UNC79: variants seen among roughly 807,000 people sequenced by gnomAD.
The protein encoded by UNC79 is unc-79 subunit of NALCN channel complex, also known as protein unc-79 homolog.
UNC79 carries 37 observed loss-of-function variants against 283.1 expected under a neutral mutation model. The ratio of observed to expected loss-of-function variants is 0.13; its 90% CI spans 0.10 to 0.17. UNC79 has a LOEUF of 0.17. UNC79 is among the 10% of genes least tolerant of loss of function. UNC79 has a pLI of 1.00. For synonymous variants in UNC79, 1,107 were observed against 1,200.2 expected (o/e 0.92, Z 1.61); for missense variants, 2,272 against 3,211.1 (o/e 0.71, Z 7.07).
At chr14:93,534,067 G>A (rs1334454334) in intron 11 of UNC79, among the ~76,000 whole-genome samples, 1 of 152,210 alleles carries the variant, frequency 6.6e-6, no homozygotes, top group Non-Finnish European at 1.5e-5. Context: ...GACAGGGACA[G>A]GATCATAGCA....
chr14:93,645,465 A>G (rs910750780), intron 34 of UNC79, among the ~76,000 whole-genome samples: 2 of 152,238 alleles, frequency 1.3e-5, no homozygotes, highest in African/African-American at 4.8e-5. Context: ...CCAAGAAAAC[A>G]GATTCAACTG....
In UNC79 at chr14:93,400,607, G is replaced by A. The variant is rs192200424; in HGVS notation, c.-350-67064G>A. 5.9e-5 allele frequency among the ~76,000 whole-genome samples: 9 copies of A among 152,258 alleles called. No homozygotes were observed. The East Asian group carries it at 1.4e-3, about 23-fold the overall frequency. On this transcript the variant is annotated intron_variant, in intron 1 of 49. Transcript: ENST00000256339. ...GGCAGAAATGTAGGGAAGGGATGAC[G>A]TGAATAAAGGCTTAATGACGAGGAA...
intron 26 of UNC79, among the ~76,000 whole-genome samples, chr14:93,608,015 G>A (rs1339135888): frequency 6.6e-6 from 1 of 152,116 alleles, no homozygotes; most frequent in Non-Finnish European, 1.5e-5. Context: ...GACAATTTTT[G>A]TTCAACAAAT....
chr14:93,615,105 C>CTGCT (rs1214642564), intron 27 of UNC79, among the ~76,000 whole-genome samples: 4 of 152,158 alleles, frequency 2.6e-5, no homozygotes, highest in Non-Finnish European at 4.4e-5. Context: ...TAGGCACTCT[C>CTGCT]TGCTTGCTTG....
At chr14:93,460,087 G>A in intron 1 of UNC79, among the ~76,000 whole-genome samples, 1 of 127,702 alleles carries the variant, frequency 7.8e-6, no homozygotes, top group African/African-American at 2.9e-5. Context: ...CCAGCACTTT[G>A]GGAGGCCAAG....
intron 1 of UNC79, among the ~76,000 whole-genome samples, chr14:93,377,866 C>T (rs879510332): frequency 7.9e-5 from 12 of 152,202 alleles, no homozygotes; most frequent in Non-Finnish European, 1.8e-4. Flanking sequence ...TACCCACTCC[C>T]AGCAGAGAAT....
At chr14:93,352,222 G>T (rs930820904) in intron 1 of UNC79, among the ~76,000 whole-genome samples, 3 of 152,132 alleles carry the variant, frequency 2.0e-5, no homozygotes, top group African/African-American at 7.2e-5. Context: ...CGGGACACAG[G>T]CTCAATCTTC....
At chr14:93,407,941 G>A (rs1191623334) in intron 1 of UNC79, among the ~76,000 whole-genome samples, 2 of 152,162 alleles carry the variant, frequency 1.3e-5, no homozygotes, top group Admixed American at 6.5e-5. Flanking sequence ...GACACCTACA[G>A]TTATAGCCAA....
chr14:93,637,883 C>T (rs1405687430), intron 32 of UNC79, among the ~76,000 whole-genome samples: 2 of 152,238 alleles, frequency 1.3e-5, no homozygotes, highest in Non-Finnish European at 2.9e-5. Context: ...CTCTTCTGAG[C>T]ATGGTCCAGC....
chr14:93,694,724 T>A (rs2074962283), intron 47 of UNC79, among the ~76,000 whole-genome samples: 1 of 151,992 alleles, frequency 6.6e-6, no homozygotes, highest in South Asian at 2.1e-4. Context: ...GAGACCAGCC[T>A]GGGCAATATA....
rs1050467795 is a variant in UNC79, at chr14:93,512,830, T to C, written c.899-11148T>C. On this transcript the variant is annotated intron_variant, in intron 7 of 48. Coordinates refer to ENST00000555664, the Ensembl canonical transcript of UNC79. Reference sequence around the variant, plus strand: ...TTTGAACTACTTATTTTAAAATTCTTATTTTTAATTTGAAATGAGTCTAGG... The same window carrying C: ...TTTGAACTACTTATTTTAAAATTCTCATTTTTAATTTGAAATGAGTCTAGG... Among the ~76,000 whole-genome samples, 8 of 152,280 alleles carry C rather than the reference T, an allele frequency of 5.3e-5. No homozygotes were observed. The East Asian group carries it at 7.7e-4, about 15-fold the overall frequency.
At chr14:93,593,925 GTC>G in intron 23 of UNC79, 88 bp downstream of exon 23, 1 of 1,408,392 alleles carries the variant, frequency 7.1e-7, no homozygotes, top group Non-Finnish European at 9.5e-7. Flanking sequence ...CTCCTTTCTT[GTC>G]CCTTCTTTTT....
intron 4 of UNC79, among the ~76,000 whole-genome samples, chr14:93,485,617 T>A (rs2058378188): frequency 6.6e-6 from 1 of 152,198 alleles, no homozygotes. Context: ...AAAGTTCTTC[T>A]TTCTTGATTA....
At chr14:93,577,301 G>C (rs955365873) in intron 17 of UNC79, among the ~76,000 whole-genome samples, 1 of 152,310 alleles carries the variant, frequency 6.6e-6, no homozygotes, top group South Asian at 2.1e-4. Flanking sequence ...CGACTTCTTG[G>C]GCATAGAGTA....
At position 93,493,530 on chromosome 14, in the gene UNC79, C is replaced by T. The variant is rs891573055; in HGVS notation, c.713-2881C>T. Among the ~76,000 whole-genome samples, 4 of 152,052 alleles carry T rather than the reference C, an allele frequency of 2.6e-5. No individual in the cohort carries two copies. In the South Asian group the frequency reaches 8.3e-4, roughly 32 times the overall value. ...TGCGTAAGCACTTCAAAGGCAGGGA[C>T]AATTGAAACTGAAGAATAAGCAGAT... is the stretch of plus-strand genomic sequence containing the variant. On this transcript the variant is annotated intron_variant, in intron 5 of 48. Transcript: ENST00000555664.
chr14:93,341,927 G>A (rs1356011016), intron 1 of UNC79, among the ~76,000 whole-genome samples: 1 of 152,150 alleles, frequency 6.6e-6, no homozygotes, highest in Non-Finnish European at 1.5e-5. Context: ...TTCTTGTGTG[G>A]CTCTGCAGGA....
intron 47 of UNC79, among the ~76,000 whole-genome samples, chr14:93,696,992 A>T (rs1174790493): frequency 1.3e-5 from 2 of 152,156 alleles, no homozygotes; most frequent in Non-Finnish European, 1.5e-5. Flanking sequence ...GTATATGGAT[A>T]GTCAGTTATT....
At chr14:93,434,599 C>G (rs2056011941) in intron 1 of UNC79, among the ~76,000 whole-genome samples, 1 of 152,202 alleles carries the variant, frequency 6.6e-6, no homozygotes, top group Admixed American at 6.5e-5. Flanking sequence ...CTTTTGGTAA[C>G]AGCAGACATT....
intron 7 of UNC79, among the ~76,000 whole-genome samples, chr14:93,498,389 C>T (rs1421463034): frequency 1.3e-5 from 2 of 152,086 alleles, no homozygotes; most frequent in African/African-American, 4.8e-5. Flanking sequence ...GAGATTGAGA[C>T]CATCCTGGCC....
Sources: allele counts gnomAD v4.1 joint callset (sites outside exome capture counted in the v4.1 genomes callset), GRCh38; gene constraint gnomAD v4.1.1; transcripts MANE v1.5; gene names NCBI Gene and HGNC (gene_info 2026-07-23, HGNC 2026-07-21).